Variants in CFAP20DC observed in about 807,000 individuals in gnomAD.
The protein encoded by CFAP20DC is CFAP20 domain containing.
Under a neutral mutation model 101.7 loss-of-function variants are expected in CFAP20DC, and 84 were observed. That is an observed-to-expected ratio of 0.83 (90% confidence interval 0.69 to 0.99). CFAP20DC has a LOEUF of 0.99. CFAP20DC is among the 50% of genes least tolerant of loss of function. The probability of loss-of-function intolerance (pLI) is 0.00; values close to 1 mark genes in which losing one functional copy is unlikely to be tolerated. For missense variants in CFAP20DC, 1,007 were observed against 970.3 expected, an observed-to-expected ratio of 1.04 and a Z score of -0.50; for synonymous variants, 359 against 351.2, an observed-to-expected ratio of 1.02 and a Z score of -0.25.
chr3:58,855,563 T>C (rs1249095239), intron 12 of CFAP20DC, among the ~76,000 whole-genome samples: 2 of 151,930 alleles, frequency 1.3e-5, no homozygotes, highest in African/African-American at 2.4e-5. Flanking sequence ...TTATTCACAA[T>C]AGCAAAGACT....
intron 6 of CFAP20DC, among the ~76,000 whole-genome samples, chr3:58,889,797 A>G (rs905103044): frequency 7.4e-5 from 10 of 134,644 alleles, no homozygotes; most frequent in African/African-American, 2.6e-4. Context: ...AACAAAGCAC[A>G]TCTTGCACCG....
At chr3:58,933,404 G>C (rs1412121474) in intron 5 of CFAP20DC, among the ~76,000 whole-genome samples, 1 of 151,840 alleles carries the variant, frequency 6.6e-6, no homozygotes, top group African/African-American at 2.4e-5. Flanking sequence ...ATTGAACTCA[G>C]CTCTGCACCA....
chr3:59,044,675 G>T (rs1235044784), intron 3 of CFAP20DC, among the ~76,000 whole-genome samples: 5 of 151,996 alleles, frequency 3.3e-5, no homozygotes, highest in South Asian at 4.2e-4. Flanking sequence ...AATGAGAAAG[G>T]TTACTAAAAG....
chr3:58,877,012 C>G (rs1432592067), intron 7 of CFAP20DC, among the ~76,000 whole-genome samples: 1 of 152,176 alleles, frequency 6.6e-6, no homozygotes, highest in Admixed American at 6.5e-5. Flanking sequence ...AATCGTAGTA[C>G]TGAAGTCATG....
At position 58,832,574 on chromosome 3, in the gene CFAP20DC, G is replaced by A. The variant is rs191972885; in HGVS notation, c.1972-685C>T. ...TATATTCAACTTGCAGTAAGATTGA[G>A]AATGACTAGTATTGGTAAAAGCCAT... On this transcript the variant is annotated intron_variant, in intron 13 of 16. Transcript: ENST00000482387. Among the ~76,000 whole-genome samples, 32 of 152,208 alleles carry A rather than the reference G, an allele frequency of 2.1e-4. No homozygotes were observed. The East Asian group carries it at 6.0e-3, about 28-fold the overall frequency.
intron 6 of CFAP20DC, among the ~76,000 whole-genome samples, chr3:58,889,236 T>C (rs942570167): frequency 5.9e-5 from 9 of 152,218 alleles, no homozygotes; most frequent in African/African-American, 2.2e-4. Context: ...CTGGGCAGCG[T>C]AGTTCTAGAC....
At chr3:58,920,676 G>C (rs185522643) in intron 5 of CFAP20DC, among the ~76,000 whole-genome samples, 341 of 152,118 alleles carry the variant, frequency 2.2e-3, no homozygotes, top group African/African-American at 8.0e-3. Flanking sequence ...TGAAATCCTG[G>C]AATAAATGCC....
intron 15 of CFAP20DC, among the ~76,000 whole-genome samples, chr3:58,761,946 T>C (rs935757530): frequency 6.6e-6 from 1 of 152,158 alleles, no homozygotes; most frequent in Admixed American, 6.5e-5. Flanking sequence ...TGAGGAGTGC[T>C]TTACTTCCAA....
At chr3:58,735,893 G>C (rs1280133627) in intron 3 of CFAP20DC, among the ~76,000 whole-genome samples, 5 of 152,100 alleles carry the variant, frequency 3.3e-5, no homozygotes, top group African/African-American at 4.8e-5. Context: ...ATTATAACAG[G>C]AATCTCTGGA....
intron 4 of CFAP20DC, among the ~76,000 whole-genome samples, chr3:58,987,327 A>G (rs1452354007): frequency 6.6e-6 from 1 of 152,150 alleles, no homozygotes; most frequent in Non-Finnish European, 1.5e-5. Flanking sequence ...AGGTTAAAAA[A>G]TAAGAATCAT....
At chr3:58,927,522 C>T (rs1386030871) in intron 5 of CFAP20DC, among the ~76,000 whole-genome samples, 2 of 152,170 alleles carry the variant, frequency 1.3e-5, no homozygotes, top group African/African-American at 2.4e-5. Context: ...TTAGCTCCCA[C>T]CAAGTGCTTG....
chr3:58,796,703 A>G (rs2073275310), intron 15 of CFAP20DC, among the ~76,000 whole-genome samples: 1 of 152,100 alleles, frequency 6.6e-6, no homozygotes. Context: ...GTGTTTTGCT[A>G]TATTGTTCTT....
At chr3:59,012,491 G>C (rs1244757887) in intron 4 of CFAP20DC, among the ~76,000 whole-genome samples, 1 of 152,104 alleles carries the variant, frequency 6.6e-6, no homozygotes, top group Non-Finnish European at 1.5e-5. Flanking sequence ...AGTGGTTTTA[G>C]ACAGCGTAAG....
At chr3:58,972,838 G>T (rs1411040950) in intron 4 of CFAP20DC, among the ~76,000 whole-genome samples, 1 of 152,112 alleles carries the variant, frequency 6.6e-6, no homozygotes, top group Non-Finnish European at 1.5e-5. Flanking sequence ...TTCCTAGAAG[G>T]CACAGTCTAT....
chr3:59,023,321 T>C (rs2093837438), intron 4 of CFAP20DC, among the ~76,000 whole-genome samples: 1 of 152,122 alleles, frequency 6.6e-6, no homozygotes, highest in Admixed American at 6.6e-5. Context: ...TGACAAGATG[T>C]AGTCCCTGCC....
intron 4 of CFAP20DC, among the ~76,000 whole-genome samples, chr3:59,010,101 C>T (rs965491213): frequency 6.6e-6 from 1 of 152,046 alleles, no homozygotes; most frequent in South Asian, 2.1e-4. Flanking sequence ...CAAAATAGAA[C>T]CTCCTTAAAG....
intron 4 of CFAP20DC, among the ~76,000 whole-genome samples, chr3:58,999,266 C>T (rs985153633): frequency 1.3e-5 from 2 of 152,126 alleles, no homozygotes; most frequent in African/African-American, 2.4e-5. Context: ...GTCTGGGAGG[C>T]CAGGCAAGAA....
chr3:58,856,618 G>A (rs1378027780), intron 12 of CFAP20DC, among the ~76,000 whole-genome samples: 2 of 152,108 alleles, frequency 1.3e-5, no homozygotes, highest in East Asian at 3.8e-4. Flanking sequence ...GACTGTCAGA[G>A]CTATCTGAAA....
intron 14 of CFAP20DC, among the ~76,000 whole-genome samples, chr3:58,806,841 T>C (rs2074109677): frequency 6.6e-6 from 1 of 152,164 alleles, no homozygotes; most frequent in Non-Finnish European, 1.5e-5. Context: ...AGATGGCACC[T>C]GGAAAATCGG....
Sources: allele counts gnomAD v4.1 joint callset (sites outside exome capture counted in the v4.1 genomes callset), GRCh38; gene constraint gnomAD v4.1.1; transcripts MANE v1.5; gene names NCBI Gene and HGNC (gene_info 2026-07-23, HGNC 2026-07-21).